The following ROBO1 variants were observed in gnomAD, a reference collection of about 807,000 sequenced individuals.
ROBO1 encodes roundabout guidance receptor 1.
A neutral mutation model predicts 195.9 loss-of-function variants in ROBO1; 149 were observed. The ratio of observed to expected loss-of-function variants is 0.76; its 90% confidence interval spans 0.67 to 0.87. The LOEUF (loss-of-function observed/expected upper bound fraction) is 0.87, where lower values mean the gene tolerates loss of function less well. Among genes scored for constraint, ROBO1 ranks in the 40% least tolerant of loss-of-function variants. The pLI, the probability that ROBO1 is intolerant of heterozygous loss-of-function variation, is 0.00. For synonymous variants in ROBO1, 816 were observed against 733.2 expected, an observed-to-expected ratio of 1.11 and a Z score of -1.82; for missense variants, 1,933 against 2,068.3, an observed-to-expected ratio of 0.93 and a Z score of 1.27.
At chr3:79,620,688 C>CT (rs974555834) in intron 1 of ROBO1, among the ~76,000 whole-genome samples, 13 of 152,022 alleles carry the variant, frequency 8.6e-5, no homozygotes, top group Non-Finnish European at 1.3e-4. Flanking sequence ...TTGTGTCTCC[C>CT]TACCTTAAAC....
chr3:79,237,027 T>C (rs1195852054), intron 2 of ROBO1, among the ~76,000 whole-genome samples: 3 of 152,062 alleles, frequency 2.0e-5, no homozygotes, highest in African/African-American at 7.2e-5. Context: ...CAAAAAGTGC[T>C]AGAAAAGAAA....
intron 1 of ROBO1, among the ~76,000 whole-genome samples, chr3:79,643,845 A>G (rs1035726019): frequency 2.0e-5 from 3 of 152,174 alleles, no homozygotes; most frequent in African/African-American, 7.2e-5. Context: ...ACAAAAGATG[A>G]CAGAAGTAAG....
At chr3:79,367,244 A>G (rs1461380933) in intron 2 of ROBO1, among the ~76,000 whole-genome samples, 1 of 152,056 alleles carries the variant, frequency 6.6e-6, no homozygotes, top group Non-Finnish European at 1.5e-5. Flanking sequence ...CTTGGTCTCT[A>G]TCAGAAGGAG....
chr3:78,897,457 T>G (rs543276198), intron 4 of ROBO1, among the ~76,000 whole-genome samples: 1 of 152,176 alleles, frequency 6.6e-6, no homozygotes, highest in African/African-American at 2.4e-5. Flanking sequence ...AGTTAGCATC[T>G]TTGTCATTCG....
At chr3:78,645,882 T>C (rs1344369915) in intron 21 of ROBO1, among the ~76,000 whole-genome samples, 1 of 152,084 alleles carries the variant, frequency 6.6e-6, no homozygotes, top group Non-Finnish European at 1.5e-5. Flanking sequence ...TAACTCCTTT[T>C]AATCATTTGC....
At chr3:78,674,362 C>A (rs541630350) in intron 10 of ROBO1, among the ~76,000 whole-genome samples, 2 of 152,180 alleles carry the variant, frequency 1.3e-5, no homozygotes, top group Non-Finnish European at 2.9e-5. Flanking sequence ...CGAATAGTAT[C>A]CCCAAAGTAC....
chr3:79,120,716 C>A (rs1408879591), intron 3 of ROBO1, among the ~76,000 whole-genome samples: 1 of 151,700 alleles, frequency 6.6e-6, no homozygotes, highest in Non-Finnish European at 1.5e-5. Context: ...AATTGAGCAT[C>A]TAGAATGTTA....
intron 2 of ROBO1, among the ~76,000 whole-genome samples, chr3:79,243,411 T>G (rs1046074190): frequency 1.3e-5 from 2 of 152,154 alleles, no homozygotes; most frequent in South Asian, 2.1e-4. Flanking sequence ...ATCGCCACAC[T>G]GTCTTCCACA....
chr3:79,446,281 G>A (rs1017032374), intron 2 of ROBO1, among the ~76,000 whole-genome samples: 2 of 151,916 alleles, frequency 1.3e-5, no homozygotes, highest in South Asian at 2.1e-4. Context: ...ATTCAAATCC[G>A]CAGATCCTCT....
At chr3:79,495,028 G>T (rs1377206860) in intron 2 of ROBO1, among the ~76,000 whole-genome samples, 1 of 152,050 alleles carries the variant, frequency 6.6e-6, no homozygotes, top group Non-Finnish European at 1.5e-5. Flanking sequence ...TAGGTAGATA[G>T]ATAGATAGAT....
intron 5 of ROBO1, among the ~76,000 whole-genome samples, chr3:78,740,528 A>G (rs1167223406): frequency 1.3e-5 from 2 of 148,428 alleles, no homozygotes; most frequent in African/African-American, 5.0e-5. Flanking sequence ...CTGGAGTGCA[A>G]TGGCGCGACC....
At chr3:78,695,326 C>G (rs1295449268) in intron 8 of ROBO1, among the ~76,000 whole-genome samples, 3 of 152,014 alleles carry the variant, frequency 2.0e-5, no homozygotes, top group Non-Finnish European at 4.4e-5. Context: ...TGACAGATGA[C>G]AACTGAAAAA....
At chr3:79,651,915 T>C (rs1044713313) in intron 1 of ROBO1, among the ~76,000 whole-genome samples, 1 of 152,136 alleles carries the variant, frequency 6.6e-6, no homozygotes, top group Non-Finnish European at 1.5e-5. Flanking sequence ...TCTTACTGCA[T>C]TTTGATTGAA....
intron 4 of ROBO1, among the ~76,000 whole-genome samples, chr3:78,934,124 A>T (rs985778766): frequency 2.0e-4 from 30 of 152,176 alleles, no homozygotes; most frequent in African/African-American, 6.7e-4. Context: ...ATAATCTTTC[A>T]GTTCTCCAGT....
intron 2 of ROBO1, among the ~76,000 whole-genome samples, chr3:79,240,959 A>T (rs1480763227): frequency 3.9e-5 from 6 of 152,152 alleles, no homozygotes; most frequent in African/African-American, 1.4e-4. Flanking sequence ...TTTAACTTTG[A>T]AAATATAGTA....
chr3:79,102,201 C>A (rs2079689751), intron 3 of ROBO1, among the ~76,000 whole-genome samples: 1 of 151,662 alleles, frequency 6.6e-6, no homozygotes, highest in African/African-American at 2.4e-5. Flanking sequence ...AAATAGATTC[C>A]ATTTTCAGAT....
chr3:78,976,339 A>G (rs929531932), intron 3 of ROBO1, among the ~76,000 whole-genome samples: 1 of 152,166 alleles, frequency 6.6e-6, no homozygotes, highest in East Asian at 1.9e-4. Context: ...GCCCTAAATC[A>G]TGTAGTTTCA....
At chr3:78,900,815 C>T (rs1310102877) in intron 4 of ROBO1, among the ~76,000 whole-genome samples, 1 of 151,746 alleles carries the variant, frequency 6.6e-6, no homozygotes, top group Admixed American at 6.6e-5. Flanking sequence ...TTAAATGTTA[C>T]TTTTTTCTGC....
intron 2 of ROBO1, among the ~76,000 whole-genome samples, chr3:79,520,538 A>T (rs559057195): frequency 2.0e-5 from 3 of 152,334 alleles, no homozygotes; most frequent in Non-Finnish European, 4.4e-5. Context: ...TTTAACACAA[A>T]GTGTTATTCA....
Sources: gnomAD v4.1 joint callset for allele counts (sites outside exome capture counted in the v4.1 genomes callset) on GRCh38, gnomAD v4.1.1 for gene constraint, MANE v1.5 for transcripts, NCBI Gene and HGNC (gene_info 2026-07-23, HGNC 2026-07-21) for gene names.